Variants in SLC4A4 observed in about 807,000 individuals in gnomAD.
SLC4A4 encodes the protein solute carrier family 4 member 4.
A neutral mutation model predicts 111.5 loss-of-function variants in SLC4A4; 27 were observed. The observed-to-expected ratio is 0.24, with a 90% confidence interval of 0.18 to 0.33. The LOEUF (loss-of-function observed/expected upper bound fraction) is 0.33. SLC4A4 is among the 10% of genes least tolerant of loss of function. SLC4A4 has a pLI of 1.00. For missense variants in SLC4A4, 909 were observed against 1,315.5 expected (o/e 0.69, Z 4.78); for synonymous variants, 443 against 463.4 (o/e 0.96, Z 0.57).
intron 3 of SLC4A4, among the ~76,000 whole-genome samples, chr4:71,301,560 C>T (rs1469079681): frequency 1.3e-5 from 2 of 152,220 alleles, no homozygotes; most frequent in African/African-American, 4.8e-5. Flanking sequence ...AGTGTCTCTA[C>T]CTGCAGGCCC....
At chr4:71,286,647 C>A (rs1723941760) in intron 3 of SLC4A4, among the ~76,000 whole-genome samples, 1 of 152,134 alleles carries the variant, frequency 6.6e-6, no homozygotes, top group Admixed American at 6.5e-5. Context: ...ATAGCTATAC[C>A]ATTAAACAGT....
chr4:71,538,438 G>A (rs887677333), intron 18 of SLC4A4, among the ~76,000 whole-genome samples: 1 of 152,050 alleles, frequency 6.6e-6, no homozygotes, highest in Non-Finnish European at 1.5e-5. Context: ...TATGGAATAG[G>A]TGTCAGTCTT....
intron 18 of SLC4A4, among the ~76,000 whole-genome samples, chr4:71,541,756 G>A (rs1012577071): frequency 5.3e-5 from 8 of 151,862 alleles, no homozygotes; most frequent in African/African-American, 1.9e-4. Context: ...GAGTGGAAAG[G>A]GAAGGTGGGT....
intron 5 of SLC4A4, among the ~76,000 whole-genome samples, chr4:71,350,923 C>G (rs1247253465): frequency 6.6e-6 from 1 of 152,070 alleles, no homozygotes; most frequent in Non-Finnish European, 1.5e-5. Context: ...ATGGAATTTC[C>G]TAGGAATAAG....
intron 16 of SLC4A4, among the ~76,000 whole-genome samples, chr4:71,505,746 T>C (rs145715443): frequency 1.2e-4 from 19 of 152,290 alleles, no homozygotes; most frequent in African/African-American, 4.6e-4. Flanking sequence ...TTTGGTGTCT[T>C]CATCGTGAAA....
chr4:71,338,100 TG>T (rs139719506), intron 3 of SLC4A4, among the ~76,000 whole-genome samples: 2,306 of 152,284 alleles, frequency 0.015, 61 homozygotes, highest in African/African-American at 0.052. Flanking sequence ...CCCAAAGTGT[TG>T]GGATCGCAGG....
At chr4:71,390,934 T>C (rs375102083) in intron 6 of SLC4A4, among the ~76,000 whole-genome samples, 17 of 152,228 alleles carry the variant, frequency 1.1e-4, no homozygotes, top group African/African-American at 3.1e-4. Context: ...AGTGTTGATA[T>C]GAGGATTAAG....
At chr4:71,152,727 C>A (rs1260316741) in intron 2 of SLC4A4, among the ~76,000 whole-genome samples, 1 of 151,990 alleles carries the variant, frequency 6.6e-6, no homozygotes, top group African/African-American at 2.4e-5. Context: ...AAATATTTAC[C>A]CAATGGTGCC....
At chr4:71,378,627 A>G (rs889151756) in intron 6 of SLC4A4, among the ~76,000 whole-genome samples, 3 of 152,240 alleles carry the variant, frequency 2.0e-5, no homozygotes, top group Non-Finnish European at 2.9e-5. Context: ...GTCTGTGCAC[A>G]TGTGAGTGAG....
Position 71,408,623 on chromosome 4 carries a change from C to T in SLC4A4, c.807+10970C>T, listed in dbSNP as rs529685004. ...AGAAATGTATGTCCGATTGTCATTT[C>T]ATGAATCTTATTGAATGCACATTAC... On this transcript the variant is annotated intron_variant, in intron 7 of 25. Transcript: ENST00000264485. Among the ~76,000 whole-genome samples the T allele has an allele frequency of 5.5e-4, 84 of 152,328 alleles. No individual in the cohort carries two copies. In the South Asian group the frequency reaches 6.2e-3, roughly 11 times the overall value.
At chr4:71,445,395 A>G (rs897734978) in intron 8 of SLC4A4, among the ~76,000 whole-genome samples, 4 of 152,170 alleles carry the variant, frequency 2.6e-5, no homozygotes, top group African/African-American at 7.2e-5. Context: ...TATCAGTGTC[A>G]GTTGATAAAT....
rs1219991668 is a variant in SLC4A4, at chr4:71,568,024, GCTT to G, written c.*276_*278del. On this transcript the variant is annotated 3_prime_UTR_variant, in exon 26 of 26. Transcript: ENST00000264485. ...GGCCAAATAATACAGCGCTCTCTCT[GCTT>G]CTCTCTTGCATAGACACAATCAAGA... 2 of 636,188 alleles carry G rather than the reference GCTT, an allele frequency of 3.1e-6. No individual in the cohort carries two copies. Among genetic ancestry groups the G allele is most frequent in the Non-Finnish European group, 5.7e-6 (2 of 353,280 alleles). The allele number at this position is 636,188 out of a possible 1,614,324, so 39.4% of individuals were successfully genotyped here.
rs117009754 is a variant in SLC4A4, at chr4:71,297,436, T to C, written c.254-41934T>C. On this transcript the variant is annotated intron_variant, in intron 3 of 25. Transcript: ENST00000264485. ...ACTGTCTGTCCTTTGTTTTCATGTG[T>C]GTGGTTGTTGCTGTAGAAGATAATT... Among the ~76,000 whole-genome samples the C allele has an allele frequency of 1.8e-4, 28 of 152,182 alleles. No homozygotes were observed. In the East Asian group the frequency reaches 5.4e-3, roughly 29 times the overall value.
intron 13 of SLC4A4, among the ~76,000 whole-genome samples, chr4:71,469,597 G>T (rs1274491760): frequency 6.6e-6 from 1 of 151,682 alleles, no homozygotes; most frequent in Non-Finnish European, 1.5e-5. Context: ...ATTTCCTGTT[G>T]CTTTTTAAAA....
At chr4:71,089,947 G>T (rs1251988571) in intron 1 of SLC4A4, among the ~76,000 whole-genome samples, 1 of 111,094 alleles carries the variant, frequency 9.0e-6, no homozygotes, top group Non-Finnish European at 2.2e-5. Flanking sequence ...ATTTAAGTCT[G>T]CAGAGAATTC....
chr4:71,126,596 C>T (rs769789219), intron 2 of SLC4A4, among the ~76,000 whole-genome samples: 1 of 151,912 alleles, frequency 6.6e-6, no homozygotes, highest in African/African-American at 2.4e-5. Context: ...AAATTATGAA[C>T]AAAGGAATAA....
intron 2 of SLC4A4, among the ~76,000 whole-genome samples, chr4:71,145,236 T>C (rs1361697916): frequency 2.6e-5 from 4 of 152,238 alleles, no homozygotes; most frequent in Admixed American, 1.3e-4. Flanking sequence ...TTCGTTTATA[T>C]GCTGGATTAC....
chr4:71,280,585 C>T (rs1439654427), intron 3 of SLC4A4, among the ~76,000 whole-genome samples: 1 of 152,074 alleles, frequency 6.6e-6, no homozygotes, highest in Non-Finnish European at 1.5e-5. Flanking sequence ...AATAGGGGTC[C>T]AATTTCATTC....
chr4:71,509,100 C>A (rs1731675537), intron 16 of SLC4A4, among the ~76,000 whole-genome samples: 1 of 152,266 alleles, frequency 6.6e-6, no homozygotes, highest in Non-Finnish European at 1.5e-5. Context: ...AAGGAAGATA[C>A]CTCAAAATAA....
Sources: allele counts gnomAD v4.1 joint callset (sites outside exome capture counted in the v4.1 genomes callset), GRCh38; gene constraint gnomAD v4.1.1; transcripts MANE v1.5; gene names NCBI Gene and HGNC (gene_info 2026-07-23, HGNC 2026-07-21).